Variants in LPP observed in about 807,000 individuals in gnomAD.
The protein encoded by LPP is LIM domain containing preferred translocation partner in lipoma, also known as lipoma-preferred partner.
A neutral mutation model predicts 60.4 loss-of-function variants in LPP; 38 were observed. That is an observed-to-expected ratio of 0.63 (90% confidence interval 0.49 to 0.83). The LOEUF (loss-of-function observed/expected upper bound fraction) is 0.83, where lower values mean the gene tolerates loss of function less well. LPP is among the 40% of genes least tolerant of loss of function. LPP has a pLI of 0.00. For missense variants in LPP, 902 were observed against 783.6 expected (o/e 1.15, Z -1.80); for synonymous variants, 328 against 290.8 (o/e 1.13, Z -1.30).
rs78433975 is a variant in LPP at position 188,369,392 on chromosome 3, C to T, written c.-10+27673C>T. ...TGGAAGATATGGGTTCTAAGCTGCACCTCTCTGCCAACTAGTAGTGAGATC... is the reference window on the plus strand; with the variant it reads ...TGGAAGATATGGGTTCTAAGCTGCATCTCTCTGCCAACTAGTAGTGAGATC... On this transcript the variant is annotated intron_variant, in intron 3 of 11. Transcript: ENST00000617246. Among the ~76,000 whole-genome samples, 915 of 151,988 alleles carry T rather than the reference C, an allele frequency of 6.0e-3. 10 individuals are homozygous for T. The highest frequency in any genetic ancestry group is 0.021 in the African/African-American group (882 of 41,460).
At chr3:188,807,831 A>C (rs949752370) in intron 9 of LPP, among the ~76,000 whole-genome samples, 1 of 152,046 alleles carries the variant, frequency 6.6e-6, no homozygotes, top group Non-Finnish European at 1.5e-5. Flanking sequence ...GATCAATCCA[A>C]CATCTGTCTT....
In LPP at chr3:188,880,035, T is replaced by TC; in HGVS notation, c.*5556_*5557insC. 2.8e-5 allele frequency: 1 copy of TC among 35,114 alleles called. No homozygotes were observed. Among genetic ancestry groups the TC allele is most frequent in the Non-Finnish European group, 7.1e-5 (1 of 14,148 alleles). The allele number at this position is 35,114 out of a possible 1,614,324, so 2.2% of individuals were successfully genotyped here. A position where few individuals can be genotyped will look rare whatever the true frequency, so the allele number is the denominator to read the frequency against. On this transcript the variant is annotated 3_prime_UTR_variant, in exon 12 of 12. Coordinates refer to ENST00000617246, the MANE Select transcript of LPP (RefSeq NM_001375462.1). ...AAGATGCGTTTTTTTTCTTTTTTTC[T>TC]TTTTTTTTTTTTTGAGACGGAGTCT...
At chr3:188,701,307 T>C (rs1864353658) in intron 7 of LPP, among the ~76,000 whole-genome samples, 1 of 151,592 alleles carries the variant, frequency 6.6e-6, no homozygotes, top group Non-Finnish European at 1.5e-5. Flanking sequence ...TTTTCTTGAA[T>C]GACAATCACC....
At chr3:188,312,166 C>G (rs13082207) in intron 2 of LPP, among the ~76,000 whole-genome samples, 10 of 151,222 alleles carry the variant, frequency 6.6e-5, no homozygotes, top group Admixed American at 6.6e-4. Context: ...AACACACACA[C>G]AAACACACAC....
chr3:188,327,110 G>A (rs1283878571), intron 2 of LPP, among the ~76,000 whole-genome samples: 2 of 152,152 alleles, frequency 1.3e-5, no homozygotes, highest in African/African-American at 2.4e-5. Flanking sequence ...AGGAATTAAT[G>A]TAGTGGCTGG....
At chr3:188,853,384 C>A (rs1026232538) in intron 9 of LPP, among the ~76,000 whole-genome samples, 1 of 152,098 alleles carries the variant, frequency 6.6e-6, no homozygotes, top group African/African-American at 2.4e-5. Flanking sequence ...TGTGAAAGAA[C>A]AGAAGAGGAG....
In LPP at chr3:188,875,726, T is replaced by A; in HGVS notation, c.*1247T>A. The A allele has an allele frequency of 5.0e-6, 1 of 201,776 alleles. No homozygotes were observed. The highest frequency in any genetic ancestry group is 7.7e-5 in the East Asian group (1 of 12,976). The allele number at this position is 201,776 out of a possible 1,614,324, so 12.5% of individuals were successfully genotyped here. ...ATCACTGAAACAAAAATTGTCTTTA[T>A]GAGCTAAAAATATGCAGAATCTCTG... On this transcript the variant is annotated 3_prime_UTR_variant, in exon 12 of 12. Transcript: ENST00000617246.
chr3:188,468,671 G>A (rs927582033), intron 4 of LPP, among the ~76,000 whole-genome samples: 4 of 152,100 alleles, frequency 2.6e-5, no homozygotes, highest in Admixed American at 6.6e-5. Context: ...GCCAGGAAGG[G>A]GACTGTCACC....
At chr3:188,513,653 G>A (rs1416791568) in intron 5 of LPP, among the ~76,000 whole-genome samples, 2 of 151,736 alleles carry the variant, frequency 1.3e-5, no homozygotes, top group Admixed American at 6.6e-5. Context: ...TATTTTATAA[G>A]GATTGGAATT....
In LPP at chr3:188,669,668, G is replaced by C. The variant is rs147170478; in HGVS notation, c.1114-38599G>C. On this transcript the variant is annotated intron_variant, in intron 7 of 11. Transcript: ENST00000617246. ...AGAAACAATTTTATACTGTTGGTGG[G>C]AGTTCAACCATTGTGGAAGACAGTG... Among the ~76,000 whole-genome samples the C allele has an allele frequency of 2.4e-3, 359 of 152,258 alleles. 7 individuals are homozygous for C. Among genetic ancestry groups the C allele is most frequent in the Admixed American group, 0.015 (223 of 15,290 alleles).
At chr3:188,159,922 G>C (rs913392139) in intron 1 of LPP, among the ~76,000 whole-genome samples, 1 of 152,074 alleles carries the variant, frequency 6.6e-6, no homozygotes. Context: ...TGTTTGGTTT[G>C]TTTGTTTTGA....
intron 2 of LPP, among the ~76,000 whole-genome samples, chr3:188,266,309 C>G (rs1252135435): frequency 1.3e-5 from 2 of 152,190 alleles, no homozygotes; most frequent in East Asian, 3.9e-4. Context: ...GAAGTGTTTT[C>G]TAGTTGAACG....
At position 188,294,056 on chromosome 3, in the gene LPP, C is replaced by CAAAA. The variant is rs61312510; in HGVS notation, c.-66-47583_-66-47580dup. 4.3e-4 allele frequency among the ~76,000 whole-genome samples: 17 copies of CAAAA among 39,418 alleles called. 1 individual carries two copies. Among genetic ancestry groups the CAAAA allele is most frequent in the African/African-American group, 1.1e-3 (13 of 11,842 alleles). 25.9% of individuals were successfully genotyped at this position (39,418 alleles called of 152,430 possible). On this transcript the variant is annotated intron_variant, in intron 2 of 11. Coordinates refer to ENST00000617246, the MANE Select transcript of LPP (RefSeq NM_001375462.1). Reference sequence around the variant, plus strand: ...CCTGGGTGACAGAGCCAAACTCTGTCAAAAAAAAAAAAAAAAAAAAAAAAA... The same window carrying CAAAA: ...CCTGGGTGACAGAGCCAAACTCTGTCAAAAAAAAAAAAAAAAAAAAAAAAAAAAA...
At chr3:188,640,082 A>G (rs1331729968) in intron 7 of LPP, among the ~76,000 whole-genome samples, 101 of 151,734 alleles carry the variant, frequency 6.7e-4, no homozygotes, top group East Asian at 3.5e-3. Context: ...TGTTTATTGC[A>G]GCATTATTCA....
At chr3:188,872,540 A>C in intron 10 of LPP, 103 bp from the exon 11 acceptor site, 1 of 1,252,788 alleles carries the variant, frequency 8.0e-7, no homozygotes, top group Non-Finnish European at 1.2e-6. Context: ...CGGATGAGGA[A>C]GCAGGTATAC....
At chr3:188,423,112 C>T (rs375307114) in intron 4 of LPP, among the ~76,000 whole-genome samples, 2,138 of 152,118 alleles carry the variant, frequency 0.014, 40 homozygotes, top group African/African-American at 0.049. Flanking sequence ...CCCCCACCCC[C>T]TGACAGGACA....
chr3:188,154,917 C>G (rs982933271), intron 1 of LPP, among the ~76,000 whole-genome samples: 15 of 152,194 alleles, frequency 9.9e-5, no homozygotes, highest in Admixed American at 9.2e-4. Context: ...ATTTTCTGGT[C>G]CCTGGGACGG....
rs75058846 is a variant in LPP, at chr3:188,888,815, G to T, written c.*14336G>T. ...TCAAGCGGCTACCGTGAAACGGGCT[G>T]CAAACACATTCCCTGAGCATCCCTT... On this transcript the variant is annotated 3_prime_UTR_variant, in exon 12 of 12. Transcript: ENST00000617246. The T allele has an allele frequency of 6.5e-4, 144 of 220,924 alleles. 2 individuals carry two copies. In the East Asian group the frequency reaches 9.5e-3, roughly 15 times the overall value. The allele number at this position is 220,924 out of a possible 1,614,324, so 13.7% of individuals were successfully genotyped here.
intron 3 of LPP, among the ~76,000 whole-genome samples, chr3:188,395,406 T>TA (rs1214158368): frequency 2.7e-5 from 4 of 150,500 alleles, no homozygotes; most frequent in African/African-American, 1.0e-4. Flanking sequence ...AAATTATTAT[T>TA]ATTTTTTTTT....
Sources: allele counts gnomAD v4.1 joint callset (sites outside exome capture counted in the v4.1 genomes callset), GRCh38; gene constraint gnomAD v4.1.1; transcripts MANE v1.5; gene names NCBI Gene and HGNC (gene_info 2026-07-23, HGNC 2026-07-21).